The following TMEM132B variants were observed in gnomAD, a reference collection of about 807,000 sequenced individuals.
The protein encoded by TMEM132B is transmembrane protein 132B.
TMEM132B carries 18 observed loss-of-function variants against 90.8 expected under a neutral mutation model. That is an observed-to-expected ratio of 0.20 (90% CI 0.14 to 0.29). The LOEUF is 0.29. Among genes scored for constraint, TMEM132B ranks in the 10% least tolerant of loss-of-function variants. The pLI is 1.00. For synonymous variants in TMEM132B, 504 were observed against 523.3 expected, an observed-to-expected ratio of 0.96 and a Z score of 0.50; for missense variants, 1,096 against 1,326.8, an observed-to-expected ratio of 0.83 and a Z score of 2.70.
intron 3 of TMEM132B, among the ~76,000 whole-genome samples, chr12:125,424,649 G>C (rs547247189): frequency 6.6e-6 from 1 of 152,304 alleles, no homozygotes; most frequent in East Asian, 1.9e-4. Flanking sequence ...TGCCAGAAAG[G>C]CTGTGTCAAA....
At chr12:125,574,706 C>A (rs576054616) in intron 4 of TMEM132B, among the ~76,000 whole-genome samples, 1 of 152,064 alleles carries the variant, frequency 6.6e-6, no homozygotes, top group East Asian at 1.9e-4. Context: ...TTCAGCGGGT[C>A]AAAAAGGGTG....
rs944701840 is a variant in TMEM132B, at chr12:125,448,352, A to G, written c.1106+32675A>G. ...AGTGCCATACTGTCTGATCTTAAGT[A>G]TTCTTTGTGCTTTATCCCAATCAGA... On this transcript the variant is annotated intron_variant, in intron 3 of 8. Coordinates refer to ENST00000682704, the MANE Select transcript of TMEM132B (RefSeq NM_001366854.1). Among the ~76,000 whole-genome samples the G allele has an allele frequency of 8.5e-5, 13 of 152,276 alleles. 1 individual carries two copies. The highest frequency in any genetic ancestry group is 2.6e-4 in the Admixed American group (4 of 15,292).
At chr12:125,448,635 T>G (rs899169605) in intron 3 of TMEM132B, among the ~76,000 whole-genome samples, 2 of 152,222 alleles carry the variant, frequency 1.3e-5, no homozygotes, top group African/African-American at 2.4e-5. Context: ...TTGCAAGCTA[T>G]TATGAATAAG....
At chr12:125,187,565 C>T (rs577004900) in intron 1 of TMEM132B, among the ~76,000 whole-genome samples, 3 of 152,230 alleles carry the variant, frequency 2.0e-5, no homozygotes, top group South Asian at 2.1e-4. Flanking sequence ...GCCTGGAACG[C>T]GGTGCTGTCC....
At chr12:125,321,281 C>T (rs1876418990) in intron 1 of TMEM132B, among the ~76,000 whole-genome samples, 1 of 152,082 alleles carries the variant, frequency 6.6e-6, no homozygotes, top group Non-Finnish European at 1.5e-5. Context: ...GTTTTGAAGA[C>T]AGAAAATATC....
Position 125,213,193 on chromosome 12 carries a change from C to G in TMEM132B, c.67+26327C>G, listed in dbSNP as rs1386682423. Among the ~76,000 whole-genome samples the G allele has an allele frequency of 1.3e-5, 2 of 152,218 alleles. No homozygotes were observed. Among genetic ancestry groups the G allele is most frequent in the African/African-American group, 4.8e-5 (2 of 41,458 alleles). ...AAAATATGCACCCTTTTGGGTCTGG[C>G]TTCTTTCACTTGCACAGTGGTTTTA... On this transcript the variant is annotated intron_variant, in intron 1 of 8. Transcript: ENST00000682704. The surrounding 1 kb of genome is among the most constrained non-coding windows in gnomAD (Gnocchi z 4.2).
chr12:125,229,104 T>C (rs1873756328), intron 1 of TMEM132B, among the ~76,000 whole-genome samples: 1 of 152,142 alleles, frequency 6.6e-6, no homozygotes, highest in Non-Finnish European at 1.5e-5. Flanking sequence ...CATGACGCAA[T>C]TGAGTCTCTT....
rs375649863 is a variant in TMEM132B at position 125,264,208 on chromosome 12, C to T, written c.67+77342C>T. Among the ~76,000 whole-genome samples the T allele has an allele frequency of 5.3e-5, 8 of 152,302 alleles. 1 individual carries two copies. The highest frequency in any genetic ancestry group is 2.6e-4 in the Admixed American group (4 of 15,306). ...TCCATCGTCACATCGCTTCCTCTGC[C>T]TCTGCCTCTGCCTCTCCTGCCTCCC... On this transcript the variant is annotated intron_variant, in intron 1 of 8. Transcript: ENST00000682704.
chr12:125,295,515 T>TGTGTGAGAGAGAGAGA (rs531489519), intron 1 of TMEM132B, among the ~76,000 whole-genome samples: 2 of 142,332 alleles, frequency 1.4e-5, no homozygotes, highest in African/African-American at 5.4e-5. Context: ...TGTGTGTGTG[T>TGTGTGAGAGAGAGAGA]GAGAGAGAGA....
chr12:125,287,609 A>T (rs1875397406), intron 1 of TMEM132B, among the ~76,000 whole-genome samples: 1 of 152,216 alleles, frequency 6.6e-6, no homozygotes, highest in Non-Finnish European at 1.5e-5. Flanking sequence ...TGCAAGTAAT[A>T]TTAGTAGAAG....
intron 2 of TMEM132B, among the ~76,000 whole-genome samples, chr12:125,366,392 GT>G (rs1878134583): frequency 6.6e-6 from 1 of 152,110 alleles, no homozygotes; most frequent in Admixed American, 6.5e-5. Context: ...ATGTAGGAGT[GT>G]TCCTCTTTCT....
chr12:125,515,419 T>G (rs1566059881), intron 3 of TMEM132B, among the ~76,000 whole-genome samples: 1 of 124,118 alleles, frequency 8.1e-6, no homozygotes, highest in Non-Finnish European at 1.6e-5. Flanking sequence ...AAACATTTGC[T>G]CACACACTCT....
chr12:125,650,807 C>A lies in TMEM132B; in HGVS notation c.1768C>A (p.Gln590Lys). ...TGTGGCCGAGTCACCTGACTTAGGG[C>A]AGCTGACCTACATGCTGGGCCCCGA... Reference protein sequence around the residue: ...QFVAESPDLGQLTYMLGPDWQ... With the variant: ...QFVAESPDLGKLTYMLGPDWQ... The change falls in exon 7 of 9, where the codon CAG becomes AAG. Residue 590 changes from glutamine to lysine, a missense_variant. Coordinates refer to ENST00000682704, the MANE Select transcript of TMEM132B (RefSeq NM_001366854.1). The A allele has an allele frequency of 6.2e-7, 1 of 1,614,230 alleles. No homozygotes were observed. Among genetic ancestry groups the A allele is most frequent in the Non-Finnish European group, 8.5e-7 (1 of 1,180,046 alleles).
At chr12:125,414,444 C>T (rs1480234101) in intron 2 of TMEM132B, among the ~76,000 whole-genome samples, 7 of 152,136 alleles carry the variant, frequency 4.6e-5, no homozygotes, top group Non-Finnish European at 2.9e-5. Context: ...TCTTTGCTGA[C>T]ATCCTCTAAC....
intron 1 of TMEM132B, among the ~76,000 whole-genome samples, chr12:125,211,940 C>T (rs1873328292): frequency 2.0e-5 from 3 of 152,212 alleles, no homozygotes; most frequent in Admixed American, 1.3e-4. Flanking sequence ...CTGATGGGCA[C>T]TAATGGCTTG....
intron 3 of TMEM132B, among the ~76,000 whole-genome samples, chr12:125,484,834 T>G (rs1363562266): frequency 6.6e-6 from 1 of 152,088 alleles, no homozygotes; most frequent in African/African-American, 2.4e-5. Context: ...CAAACTCTTT[T>G]GCTCAGGCAA....
intron 1 of TMEM132B, among the ~76,000 whole-genome samples, chr12:125,330,343 T>C (rs1258637762): frequency 6.6e-6 from 1 of 151,598 alleles, no homozygotes; most frequent in Non-Finnish European, 1.5e-5. Flanking sequence ...CTTTTTTTTT[T>C]TTTTTTTTGC....
intron 1 of TMEM132B, among the ~76,000 whole-genome samples, chr12:125,216,312 C>G (rs1873435916): frequency 6.6e-6 from 1 of 152,166 alleles, no homozygotes; most frequent in Non-Finnish European, 1.5e-5. Flanking sequence ...GAGAAGCTCT[C>G]TCATGTCTCC....
In TMEM132B at chr12:125,409,856, AGGAGT is replaced by A. The variant is rs770383562; in HGVS notation, c.960-5658_960-5654del. On this transcript the variant is annotated intron_variant, in intron 2 of 8. Coordinates refer to ENST00000682704, the MANE Select transcript of TMEM132B (RefSeq NM_001366854.1). ...GGAGTGGAGTGGAGGAGTGGAGTGGAGGAGTGGAGTGGAGTGGAGTGAGTGGAGTG... is the reference window on the plus strand; with the variant it reads ...GGAGTGGAGTGGAGGAGTGGAGTGGAGGAGTGGAGTGGAGTGAGTGGAGTG... 7.2e-4 allele frequency among the ~76,000 whole-genome samples: 9 copies of A among 12,466 alleles called. 2 individuals are homozygous for A. The highest frequency in any genetic ancestry group is 9.2e-4 in the Non-Finnish European group (6 of 6,536). 8.2% of individuals were successfully genotyped at this position (12,466 alleles called of 152,430 possible).
Sources: allele counts gnomAD v4.1 joint callset (sites outside exome capture counted in the v4.1 genomes callset), GRCh38; gene constraint gnomAD v4.1.1; non-coding constraint Gnocchi (gnomAD v3.1); transcripts MANE v1.5; gene names NCBI Gene and HGNC (gene_info 2026-07-23, HGNC 2026-07-21).